Variants in ARMC2 observed in about 807,000 individuals in gnomAD.
ARMC2 encodes armadillo repeat containing 2, also known as armadillo repeat-containing protein 2.
ARMC2 carries 67 observed loss-of-function variants against 90.3 expected under a neutral mutation model. The observed-to-expected ratio is 0.74, with a 90% confidence interval of 0.61 to 0.91. The LOEUF (loss-of-function observed/expected upper bound fraction) is 0.91. ARMC2 is among the 40% of genes least tolerant of loss of function. ARMC2 has a pLI of 0.00. For synonymous variants in ARMC2, 393 were observed against 393.0 expected, an observed-to-expected ratio of 1.00 and a Z score of 0.00; for missense variants, 920 against 1,030.9, an observed-to-expected ratio of 0.89 and a Z score of 1.47.
the ARMC2 span, among the ~76,000 whole-genome samples, chr6:108,979,603 A>AT: frequency 6.6e-6 from 1 of 151,764 alleles, no homozygotes. Context: ...ACTCGGTTCC[A>AT]TTTTCCCCGT....
At chr6:109,047,379 T>C in the ARMC2 span, among the ~76,000 whole-genome samples, 1 of 130,756 alleles carries the variant, frequency 7.6e-6, no homozygotes, top group South Asian at 2.8e-4. Context: ...AGCCGCCCCG[T>C]CCGGGAGGTG....
At chr6:108,896,140 G>A (rs975892899) in intron 6 of ARMC2, among the ~76,000 whole-genome samples, 3 of 152,088 alleles carry the variant, frequency 2.0e-5, no homozygotes, top group Non-Finnish European at 4.4e-5. Context: ...AGCCAGCATA[G>A]TTGCTAAGGA....
rs73526071 is a variant in ARMC2 at position 108,890,337 on chromosome 6, T to G, written c.672-4130T>G. On this transcript the variant is annotated intron_variant, in intron 5 of 17. Coordinates refer to ENST00000392644, the MANE Select transcript of ARMC2 (RefSeq NM_032131.6). Reference sequence around the variant, plus strand: ...ACTCTGGACTGCTTAGACAAGTGATTACTGACTCATAAGGAAAGAGAAAAT... The same window carrying G: ...ACTCTGGACTGCTTAGACAAGTGATGACTGACTCATAAGGAAAGAGAAAAT... Among the ~76,000 whole-genome samples, 193 of 150,708 alleles carry G rather than the reference T, an allele frequency of 1.3e-3. 1 individual carries two copies. Among genetic ancestry groups the G allele is most frequent in the African/African-American group, 4.6e-3 (185 of 40,252 alleles).
the ARMC2 span, chr6:109,009,228 G>A: frequency 2.2e-6 from 2 of 913,960 alleles, no homozygotes; most frequent in Non-Finnish European, 2.9e-6. Flanking sequence ...CCCTATCTGG[G>A]GAGCGTTTTC....
chr6:108,853,090 GTA>G (rs1774169043), intron 1 of ARMC2, among the ~76,000 whole-genome samples: 1 of 152,042 alleles, frequency 6.6e-6, no homozygotes, highest in Non-Finnish European at 1.5e-5. Context: ...TCAAAATCCT[GTA>G]TCAAAAATTC....
rs891007274 is a variant in ARMC2, at chr6:108,966,476, TAA to T, written c.2446+1337_2446+1338del. On this transcript the variant is annotated intron_variant, in intron 17 of 17. Coordinates refer to ENST00000392644, the MANE Select transcript of ARMC2 (RefSeq NM_032131.6). ...TGGCTGACGTGCTCTGGAAACTCTT[TAA>T]GTGTTGTAACACCGTGCTACTAAAC... 3.4e-4 allele frequency among the ~76,000 whole-genome samples: 52 copies of T among 152,184 alleles called. 1 individual carries two copies. Among genetic ancestry groups the T allele is most frequent in the African/African-American group, 1.2e-3 (50 of 41,448 alleles).
At chr6:108,912,971 C>T (rs991866804) in intron 10 of ARMC2, among the ~76,000 whole-genome samples, 10 of 151,968 alleles carry the variant, frequency 6.6e-5, no homozygotes, top group South Asian at 4.1e-4. Context: ...CAGAAGGTAA[C>T]GGGATTGAGT....
chr6:108,923,224 G>A (rs756202993), intron 10 of ARMC2, among the ~76,000 whole-genome samples: 6 of 151,978 alleles, frequency 3.9e-5, no homozygotes, highest in Admixed American at 2.0e-4. Context: ...GATTTGAGGT[G>A]GTTTGAAAGA....
chr6:108,999,706 G>A, the ARMC2 span, among the ~76,000 whole-genome samples: 2 of 152,124 alleles, frequency 1.3e-5, no homozygotes, highest in African/African-American at 2.4e-5. Flanking sequence ...CTTTGGAAGA[G>A]TTTTACAGTT....
At chr6:109,026,575 C>T in the ARMC2 span, among the ~76,000 whole-genome samples, 3 of 152,088 alleles carry the variant, frequency 2.0e-5, no homozygotes, top group African/African-American at 7.2e-5. Flanking sequence ...CGGCTCACTG[C>T]AACCTTCTCC....
chr6:109,041,488 G>A, the ARMC2 span, among the ~76,000 whole-genome samples: 9 of 151,968 alleles, frequency 5.9e-5, no homozygotes, highest in East Asian at 5.8e-4. Flanking sequence ...ATGAAAAAGC[G>A]GTAGAAGTTA....
chr6:108,890,189 C>CAAA (rs869186045), intron 5 of ARMC2, among the ~76,000 whole-genome samples: 5 of 64,250 alleles, frequency 7.8e-5, no homozygotes, highest in African/African-American at 2.7e-4. Context: ...GACTCCGTCT[C>CAAA]AAAAAAAAAA....
chr6:108,913,849 T>TAC (rs1371700741), intron 10 of ARMC2, among the ~76,000 whole-genome samples: 1 of 152,350 alleles, frequency 6.6e-6, no homozygotes, highest in South Asian at 2.1e-4. Flanking sequence ...CACCTTTTAG[T>TAC]ACACACACAG....
At chr6:108,927,207 T>G (rs1032634664) in intron 10 of ARMC2, among the ~76,000 whole-genome samples, 4 of 151,252 alleles carry the variant, frequency 2.6e-5, no homozygotes, top group African/African-American at 9.7e-5. Context: ...AATGGGGAAG[T>G]GGAGGAAGGA....
At chr6:108,897,268 A>G (rs932930767) in intron 6 of ARMC2, among the ~76,000 whole-genome samples, 17 of 152,240 alleles carry the variant, frequency 1.1e-4, no homozygotes, top group Non-Finnish European at 2.1e-4. Flanking sequence ...TGCAATGTGT[A>G]TACCATATTG....
chr6:108,886,477 A>C (rs932244869), intron 5 of ARMC2, among the ~76,000 whole-genome samples: 2 of 152,172 alleles, frequency 1.3e-5, no homozygotes, highest in African/African-American at 4.8e-5. Flanking sequence ...AGGCTGTGGG[A>C]GGAGAATCAC....
chr6:108,947,372 C>T (rs889377917), intron 12 of ARMC2, among the ~76,000 whole-genome samples: 2 of 152,176 alleles, frequency 1.3e-5, no homozygotes, highest in South Asian at 4.1e-4. Flanking sequence ...CAGTGTTTGA[C>T]TTTGGGCTTA....
chr6:108,859,800 T>C (rs986219601), intron 3 of ARMC2, among the ~76,000 whole-genome samples: 20 of 152,232 alleles, frequency 1.3e-4, no homozygotes, highest in African/African-American at 4.6e-4. Flanking sequence ...GGGTCCGGAG[T>C]TCGAGACCAT....
chr6:108,982,961 G>A, the ARMC2 span, among the ~76,000 whole-genome samples: 1 of 151,678 alleles, frequency 6.6e-6, no homozygotes, highest in Non-Finnish European at 1.5e-5. Flanking sequence ...ATCCCAGTGG[G>A]TTACCGGTGC....
Sources: allele counts gnomAD v4.1 joint callset (sites outside exome capture counted in the v4.1 genomes callset), GRCh38; gene constraint gnomAD v4.1.1; transcripts MANE v1.5; gene names NCBI Gene and HGNC (gene_info 2026-07-23, HGNC 2026-07-21).